The following NSMAF variants were observed in gnomAD, a reference collection of about 807,000 sequenced individuals.
NSMAF encodes the protein protein FAN.
In NSMAF, 90 loss-of-function variants were observed where a neutral mutation model predicts 134.9. The observed-to-expected ratio is 0.67, with a 90% confidence interval of 0.56 to 0.79. The LOEUF (loss-of-function observed/expected upper bound fraction) is 0.79. Ranked by LOEUF, NSMAF falls within the 30% of genes least tolerant of loss-of-function variation. The pLI is 0.00. For missense variants in NSMAF, 1,010 were observed against 1,119.0 expected, an observed-to-expected ratio of 0.90 and a Z score of 1.39; for synonymous variants, 358 against 389.6, an observed-to-expected ratio of 0.92 and a Z score of 0.96.
chr8:58,597,269 G>A, intron 21 of NSMAF, 118 bp downstream of exon 21: 1 of 899,742 alleles, frequency 1.1e-6, no homozygotes, highest in Non-Finnish European at 1.7e-6. Context: ...AATAAGGCAG[G>A]AGAACACAAT....
Position 58,585,723 on chromosome 8 carries a change from C to T in NSMAF, c.2588G>A (p.Ser863Asn). The T allele has an allele frequency of 6.2e-7, 1 of 1,614,132 alleles. No homozygotes were observed. The highest frequency in any genetic ancestry group is 8.5e-7 in the Non-Finnish European group (1 of 1,179,998). The change falls in exon 30 of 31, where the codon AGT becomes AAT. Residue 863 changes from serine (S) to asparagine (N), a missense_variant. Coordinates refer to ENST00000038176, the MANE Select transcript of NSMAF (RefSeq NM_003580.4). The part of the protein sequence containing the change: ...VWDGNSVLSG[S>N]QSGELLVWDL... ...CCAAACGAGCAGTTCACCAGACTGA[C>T]TGCCAGATAAAACGGAATTTCCATC...
chr8:58,599,532 G>C, intron 18 of NSMAF, 169 bp from the exon 19 acceptor site: 1 of 941,358 alleles, frequency 1.1e-6, no homozygotes, highest in Admixed American at 3.1e-5. Flanking sequence ...GGGGAAAAAA[G>C]TGGCAAGAAT....
intron 6 of NSMAF, among the ~76,000 whole-genome samples, chr8:58,625,166 T>C (rs1327937450): frequency 6.6e-6 from 1 of 152,144 alleles, no homozygotes; most frequent in Non-Finnish European, 1.5e-5. Context: ...AAAAACACTC[T>C]TTCTTCCTGT....
At chr8:58,584,389 C>A (rs1805835940) in intron 30 of NSMAF, among the ~76,000 whole-genome samples, 189 bp from the exon 31 acceptor site, 1 of 152,188 alleles carries the variant, frequency 6.6e-6, no homozygotes, top group Admixed American at 6.5e-5. Context: ...GTACAAAGAT[C>A]TTGTGAGGAA....
chr8:58,631,598 T>C, intron 5 of NSMAF, 52 bp from the exon 6 acceptor site: 2 of 1,009,082 alleles, frequency 2.0e-6, no homozygotes, highest in Non-Finnish European at 2.9e-6. Flanking sequence ...TGTTTCATTG[T>C]AAAGAGTAAC....
In NSMAF at chr8:58,590,006, C is replaced by A; in HGVS notation, c.2087+1G>T. The A allele has an allele frequency of 6.2e-7, 1 of 1,612,912 alleles. No individual in the cohort carries two copies. Among genetic ancestry groups the A allele is most frequent in the Non-Finnish European group, 8.5e-7 (1 of 1,178,902 alleles). On this transcript the variant is annotated splice_donor_variant, in intron 25 of 30. Coordinates refer to ENST00000038176, the MANE Select transcript of NSMAF (RefSeq NM_003580.4). LOFTEE classifies it high-confidence loss of function. ...ACAGAGCAGGGTGCACAGATACATA[C>A]ACATTATTATCCCATGAAGAAGTTA...
intron 19 of NSMAF, among the ~76,000 whole-genome samples, chr8:58,598,547 G>A (rs552970242): frequency 7.9e-5 from 12 of 151,602 alleles, no homozygotes; most frequent in Admixed American, 7.2e-4. Flanking sequence ...AAGAAACTCT[G>A]GGTCTTCCAT....
At chr8:58,657,380 T>A (rs996215535) in intron 1 of NSMAF, among the ~76,000 whole-genome samples, 3 of 152,234 alleles carry the variant, frequency 2.0e-5, no homozygotes, top group Non-Finnish European at 4.4e-5. Context: ...GGGTAACCTC[T>A]GAAACAACCC....
At chr8:58,590,987 G>C in intron 23 of NSMAF, 53 bp from the exon 24 acceptor site, 3 of 1,519,106 alleles carry the variant, frequency 2.0e-6, no homozygotes, top group Non-Finnish European at 2.7e-6. Context: ...AACCATTACA[G>C]ACGTCAAAGA....
In NSMAF at chr8:58,597,859, C is replaced by A. The variant is rs768540090; in HGVS notation, c.1628+1G>T. The A allele has an allele frequency of 2.5e-6, 4 of 1,588,550 alleles. No individual in the cohort carries two copies. The Admixed American group carries it at 6.7e-5, about 27-fold the overall frequency. The stretch of plus-strand genomic sequence containing the variant: ...GAAACTCCTTATTGACATATAAGTA[C>A]CTGTTCAAGTCTACACCTCCTTCAT... On this transcript the variant is annotated splice_donor_variant, in intron 20 of 30. Transcript: ENST00000038176. LOFTEE classifies it high-confidence loss of function.
Position 58,607,823 on chromosome 8 carries a change from T to C in NSMAF, c.705A>G (p.Ile235Met). 6.2e-7 allele frequency: 1 copy of C among 1,614,084 alleles called. No individual in the cohort carries two copies. Among genetic ancestry groups the C allele is most frequent in the Middle Eastern group, 1.6e-4 (1 of 6,062 alleles). The change falls in exon 11 of 31, where the codon ATA (isoleucine) becomes ATG (methionine). Residue 235 changes from isoleucine (I) to methionine (M), a missense_variant. Coordinates refer to ENST00000038176, the MANE Select transcript of NSMAF (RefSeq NM_003580.4). ...AGATGCGGCGGACATCTTGGAGTGT[T>C]ATCTGGACCACAGGTTTCTTTAAAA... is the stretch of plus-strand genomic sequence containing the variant. ...LNGYPKPVVQ[I>M]TLQDVRRIYK...
chr8:58,655,800 G>A (rs1228685058), intron 1 of NSMAF, among the ~76,000 whole-genome samples: 5 of 151,694 alleles, frequency 3.3e-5, no homozygotes, highest in South Asian at 2.1e-4. Context: ...CCAGCTACTC[G>A]GGAGGCTGAG....
intron 1 of NSMAF, among the ~76,000 whole-genome samples, chr8:58,647,925 T>C (rs1482109219): frequency 6.6e-6 from 1 of 152,122 alleles, no homozygotes; most frequent in Non-Finnish European, 1.5e-5. Flanking sequence ...GGAAGCAGCT[T>C]TGGAACAGGG....
Position 58,586,731 on chromosome 8 carries a change from G to A in NSMAF, c.2296-123C>T, listed in dbSNP as rs189797018. The A allele has an allele frequency of 4.3e-4, 303 of 712,474 alleles. 1 individual carries two copies. The African/African-American group carries it at 5.1e-3, about 12-fold the overall frequency. The allele number at this position is 712,474 out of a possible 1,614,324, so 44.1% of individuals were successfully genotyped here. A position where few individuals can be genotyped will look rare whatever the true frequency, so the allele number is the denominator to read the frequency against. Reference sequence around the variant, plus strand: ...ATTAAACTCTATTGTGCAGTATGCCGGTGTTGCTAATGCAGATGTATTTCA... The same window carrying A: ...ATTAAACTCTATTGTGCAGTATGCCAGTGTTGCTAATGCAGATGTATTTCA... On this transcript the variant is annotated intron_variant, in intron 27 of 30. Coordinates refer to ENST00000038176, the MANE Select transcript of NSMAF (RefSeq NM_003580.4).
chr8:58,636,866 A>G (rs930647228), intron 2 of NSMAF, among the ~76,000 whole-genome samples: 1 of 152,202 alleles, frequency 6.6e-6, no homozygotes, highest in African/African-American at 2.4e-5. Flanking sequence ...GACAAAAAAG[A>G]ACAACTTTAC....
chr8:58,601,121 A>T, intron 16 of NSMAF, 164 bp downstream of exon 16: 2 of 562,856 alleles, frequency 3.6e-6, no homozygotes. Flanking sequence ...ACATTTACAC[A>T]CACATATACA....
At chr8:58,651,396 A>T (rs1300606310) in intron 1 of NSMAF, among the ~76,000 whole-genome samples, 1 of 152,118 alleles carries the variant, frequency 6.6e-6, no homozygotes, top group Non-Finnish European at 1.5e-5. Context: ...CCTTCCCCTC[A>T]GTAATTAGGT....
rs1805921567 is a variant in NSMAF, at chr8:58,587,675, C to CG, written c.2237_2238insC (p.Met746IlefsTer10). 6.2e-7 allele frequency: 1 copy of CG among 1,614,026 alleles called. No individual in the cohort carries two copies. The highest frequency in any genetic ancestry group is 1.7e-5 in the Admixed American group (1 of 60,004). ...CAAAGTGGTGTCTTTTGGTGCCTGG[C>CG]ATCTCTGCAGGAACACCAGACCACA... On this transcript the variant is annotated frameshift_variant, in exon 27 of 31. Transcript: ENST00000038176. LOFTEE classifies it high-confidence loss of function.
chr8:58,623,776 T>C lies in NSMAF; in HGVS notation c.389A>G (p.Lys130Arg), dbSNP rs1290344953. The C allele has an allele frequency of 6.2e-7, 1 of 1,613,716 alleles. No homozygotes were observed. The highest frequency in any genetic ancestry group is 1.1e-5 in the South Asian group (1 of 91,040). ...VVAPYKIERG[K>R]MEYVFELDVP... The stretch of plus-strand genomic sequence containing the variant: ...ATCCAATTCAAAAACATATTCCATT[T>C]TGCCCTAACAAAAAGGGGAAGATAT... The change falls in exon 7 of 31, where the codon AAA becomes AGA. Residue 130 changes from lysine to arginine, a missense_variant. Lys to Arg is a conservative substitution (Grantham distance 26, BLOSUM62 2). Coordinates refer to ENST00000038176, the MANE Select transcript of NSMAF (RefSeq NM_003580.4).
Sources: allele counts gnomAD v4.1 joint callset (sites outside exome capture counted in the v4.1 genomes callset), GRCh38; gene constraint gnomAD v4.1.1; transcripts MANE v1.5; gene names NCBI Gene and HGNC (gene_info 2026-07-23, HGNC 2026-07-21).